TPD52L1: variants seen among roughly 807,000 people sequenced by gnomAD.
The protein encoded by TPD52L1 is tumor protein D53.
In TPD52L1, 18 loss-of-function variants were observed where a neutral mutation model predicts 28.7. That is an observed-to-expected ratio of 0.63 (90% CI 0.43 to 0.93). The LOEUF is 0.93. TPD52L1 is among the 40% of genes least tolerant of loss of function. The probability of loss-of-function intolerance (pLI) is 0.00; values close to 1 mark genes in which losing one functional copy is unlikely to be tolerated. For missense variants in TPD52L1, 203 were observed against 254.8 expected, an observed-to-expected ratio of 0.80 and a Z score of 1.39; for synonymous variants, 75 against 88.8, an observed-to-expected ratio of 0.84 and a Z score of 0.88.
intron 4 of TPD52L1, 82 bp downstream of exon 4, chr6:125,248,465 C>A: frequency 2.1e-6 from 2 of 935,012 alleles, no homozygotes; most frequent in African/African-American, 1.6e-5. Flanking sequence ...AGCTGCTCAT[C>A]TCAACATATG....
chr6:125,248,192 G>A, intron 3 of TPD52L1, 90 bp from the exon 4 acceptor site: 1 of 1,051,208 alleles, frequency 9.5e-7, no homozygotes, highest in Non-Finnish European at 1.4e-6. Flanking sequence ...GTTGAGGAAA[G>A]GACATTTTCA....
In TPD52L1 at chr6:125,186,909, G is replaced by A. The variant is rs1043151949; in HGVS notation, c.19+32939G>A. Among the ~76,000 whole-genome samples the A allele has an allele frequency of 1.4e-4, 21 of 152,178 alleles. No individual in the cohort carries two copies. The East Asian group carries it at 3.5e-3, about 25-fold the overall frequency. On this transcript the variant is annotated intron_variant, in intron 1 of 6. Transcript: ENST00000534000. ...TCAAGTACAACGTAGTAATTGGGGT[G>A]ACTGTTTCAGCCAAGGGATTGGAAA...
chr6:125,194,227 G>A (rs2114870771), intron 1 of TPD52L1, among the ~76,000 whole-genome samples: 1 of 152,090 alleles, frequency 6.6e-6, no homozygotes, highest in African/African-American at 2.4e-5. Flanking sequence ...AATTAGAAAT[G>A]CCAGCTGACA....
chr6:125,251,343 G>A (rs1370561072), intron 4 of TPD52L1, among the ~76,000 whole-genome samples: 1 of 150,844 alleles, frequency 6.6e-6, no homozygotes, highest in Non-Finnish European at 1.5e-5. Flanking sequence ...AACATTACCA[G>A]CAAAATTCAG....
intron 5 of TPD52L1, among the ~76,000 whole-genome samples, chr6:125,256,017 G>C (rs1002432900): frequency 6.6e-6 from 1 of 152,106 alleles, no homozygotes; most frequent in African/African-American, 2.4e-5. Context: ...ACAAAATTAT[G>C]TATAGATTAT....
intron 1 of TPD52L1, among the ~76,000 whole-genome samples, chr6:125,204,273 T>C (rs1451716133): frequency 3.9e-5 from 6 of 152,192 alleles, no homozygotes; most frequent in Non-Finnish European, 8.8e-5. Flanking sequence ...CCTGGCTTAA[T>C]GTAGTCCTTG....
intron 1 of TPD52L1, among the ~76,000 whole-genome samples, chr6:125,206,025 T>A (rs1413177701): frequency 6.6e-6 from 1 of 152,226 alleles, no homozygotes; most frequent in African/African-American, 2.4e-5. Flanking sequence ...AATAGATGTT[T>A]AATGTGGTCG....
rs1197329495 is a variant in TPD52L1 at position 125,204,122 on chromosome 6, A to T, written c.20-15956A>T. ...AACATTCTAGTGTTACCTGCAATGTAATGAAGAGCCTGATTCATCTTGATC... is the reference window on the plus strand; with the variant it reads ...AACATTCTAGTGTTACCTGCAATGTTATGAAGAGCCTGATTCATCTTGATC... On this transcript the variant is annotated intron_variant, in intron 1 of 6. Coordinates refer to ENST00000534000, the MANE Select transcript of TPD52L1 (RefSeq NM_003287.4). Among the ~76,000 whole-genome samples the T allele has an allele frequency of 9.8e-5, 15 of 152,296 alleles. No homozygotes were observed. In the East Asian group the frequency reaches 2.9e-3, roughly 29 times the overall value.
chr6:125,257,292 T>C, intron 6 of TPD52L1, 134 bp downstream of exon 6: 2 of 626,224 alleles, frequency 3.2e-6, no homozygotes, highest in South Asian at 2.4e-5. Flanking sequence ...CTTTCACATA[T>C]AAATCTATGA....
chr6:125,159,144 CAAG>C (rs1790342751), intron 1 of TPD52L1, among the ~76,000 whole-genome samples: 1 of 152,146 alleles, frequency 6.6e-6, no homozygotes, highest in Admixed American at 6.5e-5. Context: ...CTATTCCTTT[CAAG>C]AAGATTTATA....
At chr6:125,195,394 G>C (rs1417728795) in intron 1 of TPD52L1, among the ~76,000 whole-genome samples, 3 of 152,152 alleles carry the variant, frequency 2.0e-5, no homozygotes, top group Non-Finnish European at 4.4e-5. Flanking sequence ...GGTTCCAACA[G>C]GTTTTAAATC....
chr6:125,248,663 A>G (rs1376632028), intron 4 of TPD52L1, among the ~76,000 whole-genome samples: 2 of 152,204 alleles, frequency 1.3e-5, no homozygotes, highest in East Asian at 3.8e-4. Flanking sequence ...AGATTTGAAA[A>G]GAATGCAGCA....
intron 6 of TPD52L1, among the ~76,000 whole-genome samples, chr6:125,257,821 TTAAAA>T (rs1204297470): frequency 3.3e-5 from 5 of 152,228 alleles, no homozygotes; most frequent in African/African-American, 1.2e-4. Context: ...CAGTCTAGTC[TTAAAA>T]TTGAACTTTT....
At chr6:125,215,544 G>A (rs1794805157) in intron 1 of TPD52L1, among the ~76,000 whole-genome samples, 2 of 152,166 alleles carry the variant, frequency 1.3e-5, no homozygotes, top group Admixed American at 1.3e-4. Flanking sequence ...TAGCAACCTG[G>A]TCTCTGGGCA....
At chr6:125,159,834 TATG>T (rs1301513835) in intron 1 of TPD52L1, among the ~76,000 whole-genome samples, 1 of 152,216 alleles carries the variant, frequency 6.6e-6, no homozygotes, top group Non-Finnish European at 1.5e-5. Flanking sequence ...GGTGACCACG[TATG>T]ATATTGTTTG....
At chr6:125,248,772 C>T (rs1239073892) in intron 4 of TPD52L1, among the ~76,000 whole-genome samples, 1 of 152,108 alleles carries the variant, frequency 6.6e-6, no homozygotes, top group Non-Finnish European at 1.5e-5. Flanking sequence ...TATTTGTATA[C>T]ATCCATCTAG....
chr6:125,249,296 G>C (rs145929853), intron 4 of TPD52L1, among the ~76,000 whole-genome samples: 1 of 150,524 alleles, frequency 6.6e-6, no homozygotes, highest in Non-Finnish European at 1.5e-5. Context: ...AAAACTTTTC[G>C]AGCACATTTT....
chr6:125,187,749 G>A (rs1792735890), intron 1 of TPD52L1, among the ~76,000 whole-genome samples: 1 of 152,134 alleles, frequency 6.6e-6, no homozygotes, highest in East Asian at 1.9e-4. Flanking sequence ...TAGTGTGTAT[G>A]TATAATTATG....
At chr6:125,189,195 C>T (rs1182392398) in intron 1 of TPD52L1, among the ~76,000 whole-genome samples, 1 of 152,158 alleles carries the variant, frequency 6.6e-6, no homozygotes, top group Non-Finnish European at 1.5e-5. Context: ...AAAAGAATTT[C>T]CATATGAAAC....
Sources: gnomAD v4.1 joint callset for allele counts (sites outside exome capture counted in the v4.1 genomes callset) on GRCh38, gnomAD v4.1.1 for gene constraint, MANE v1.5 for transcripts, NCBI Gene and HGNC (gene_info 2026-07-23, HGNC 2026-07-21) for gene names.